DTNA: variants seen among roughly 807,000 people sequenced by gnomAD.
The protein encoded by DTNA is dystrobrevin alpha.
In DTNA, 43 loss-of-function variants were observed where a neutral mutation model predicts 100.7. The ratio of observed to expected loss-of-function variants is 0.43; its 90% CI spans 0.33 to 0.55. DTNA has a LOEUF of 0.55. DTNA is among the 20% of genes least tolerant of loss of function. The pLI, the probability that DTNA is intolerant of heterozygous loss-of-function variation, is 0.04. For synonymous variants in DTNA, 349 were observed against 347.9 expected (o/e 1.00, Z -0.04); for missense variants, 798 against 953.9 (o/e 0.84, Z 2.15).
chr18:34,865,299 T>A (rs1362509666), intron 17 of DTNA, among the ~76,000 whole-genome samples: 1 of 152,052 alleles, frequency 6.6e-6, no homozygotes, highest in African/African-American at 2.4e-5. Context: ...TTGTCTACCT[T>A]TCTCTTTTCT....
At chr18:34,550,280 A>G (rs999309735) in intron 1 of DTNA, among the ~76,000 whole-genome samples, 17 of 152,066 alleles carry the variant, frequency 1.1e-4, no homozygotes, top group Admixed American at 1.0e-3. Context: ...TTTTTCATAC[A>G]CTATTTTCTA....
intron 3 of DTNA, among the ~76,000 whole-genome samples, chr18:34,778,429 T>G (rs1035766880): frequency 3.3e-5 from 5 of 152,228 alleles, no homozygotes; most frequent in African/African-American, 7.2e-5. Flanking sequence ...ATGTATTCAA[T>G]GCTTTTTAAA....
intron 13 of DTNA, among the ~76,000 whole-genome samples, chr18:34,841,548 T>C (rs1228561326): frequency 6.6e-6 from 1 of 152,174 alleles, no homozygotes; most frequent in Non-Finnish European, 1.5e-5. Context: ...AATAATAAAT[T>C]TTGTATTTAT....
chr18:34,842,127 G>T (rs1311506292), intron 13 of DTNA, among the ~76,000 whole-genome samples: 1 of 152,082 alleles, frequency 6.6e-6, no homozygotes, highest in Non-Finnish European at 1.5e-5. Flanking sequence ...TCCTGGGCTT[G>T]CTAGTTTATA....
chr18:34,656,268 A>T (rs528017475), intron 1 of DTNA, among the ~76,000 whole-genome samples: 83 of 152,356 alleles, frequency 5.4e-4, no homozygotes, highest in Non-Finnish European at 1.0e-3. Flanking sequence ...CACAGATGTC[A>T]ATCCTAGAAG....
At chr18:34,683,020 C>T (rs1215451185) in intron 1 of DTNA, among the ~76,000 whole-genome samples, 1 of 152,102 alleles carries the variant, frequency 6.6e-6, no homozygotes, top group Non-Finnish European at 1.5e-5. Flanking sequence ...AAAATATCCA[C>T]ATTTCACAAA....
Position 34,818,345 on chromosome 18 carries a change from A to G in DTNA, c.876+15A>G. ...ACACGTCATGGGTAAGGCAAGGTCCAGGCAATACTTGGAGTTGGATGTGTG... is the reference window on the plus strand; with the variant it reads ...ACACGTCATGGGTAAGGCAAGGTCCGGGCAATACTTGGAGTTGGATGTGTG... On this transcript the variant is annotated intron_variant, in intron 8 of 22. Transcript: ENST00000444659. 6.2e-7 allele frequency: 1 copy of G among 1,613,046 alleles called. No individual in the cohort carries two copies. Among genetic ancestry groups the G allele is most frequent in the Non-Finnish European group, 8.5e-7 (1 of 1,179,420 alleles).
intron 1 of DTNA, among the ~76,000 whole-genome samples, chr18:34,559,018 C>T (rs1002155924): frequency 4.6e-5 from 7 of 152,158 alleles, no homozygotes; most frequent in African/African-American, 1.7e-4. Context: ...TCCATTGGAA[C>T]ATGGCAACAG....
intron 1 of DTNA, among the ~76,000 whole-genome samples, chr18:34,519,972 A>C (rs1485546560): frequency 6.6e-6 from 1 of 152,156 alleles, no homozygotes; most frequent in Non-Finnish European, 1.5e-5. Flanking sequence ...TCACATTGTA[A>C]TGTTTACTTG....
intron 1 of DTNA, among the ~76,000 whole-genome samples, chr18:34,544,141 C>T (rs2044525368): frequency 6.6e-6 from 1 of 152,042 alleles, no homozygotes; most frequent in African/African-American, 2.4e-5. Flanking sequence ...CCACTGACCT[C>T]ATGGAAGCCA....
At chr18:34,801,164 G>T (rs1227865752) in intron 4 of DTNA, among the ~76,000 whole-genome samples, 2 of 152,142 alleles carry the variant, frequency 1.3e-5, no homozygotes, top group African/African-American at 4.8e-5. Flanking sequence ...AAATGTAAAG[G>T]AAGATAAAAG....
intron 1 of DTNA, among the ~76,000 whole-genome samples, chr18:34,752,704 AG>A (rs1367983173): frequency 2.6e-5 from 4 of 152,222 alleles, no homozygotes; most frequent in Admixed American, 6.5e-5. Context: ...CATACCACAG[AG>A]ATTTTTCTAT....
chr18:34,887,604 C>A (rs1438274047), intron 22 of DTNA, among the ~76,000 whole-genome samples, 162 bp from the exon 23 acceptor site: 1 of 152,076 alleles, frequency 6.6e-6, no homozygotes, highest in Admixed American at 6.6e-5. Flanking sequence ...CTAGGACTTT[C>A]ATTCCTGATT....
chr18:34,645,812 A>G lies in DTNA; in HGVS notation c.-1-110164A>G, dbSNP rs573000673. Among the ~76,000 whole-genome samples, 45 of 149,882 alleles carry G rather than the reference A, an allele frequency of 3.0e-4. 1 individual carries two copies. The highest frequency in any genetic ancestry group is 4.4e-4 in the Non-Finnish European group (30 of 67,996). ...GTATTGACTTTAGAAGCTGGCTTAC[A>G]TATTTTCCACTCTTTAACTCGTTTT... On this transcript the variant is annotated intron_variant, in intron 1 of 19. Transcript: ENST00000283365.
intron 1 of DTNA, among the ~76,000 whole-genome samples, chr18:34,526,430 T>C (rs1244829426): frequency 6.6e-6 from 1 of 152,106 alleles, no homozygotes. Flanking sequence ...TCAAACATTA[T>C]TATGTCTGAA....
intron 1 of DTNA, among the ~76,000 whole-genome samples, chr18:34,538,582 T>G (rs1299729208): frequency 1.3e-5 from 2 of 152,000 alleles, no homozygotes; most frequent in Non-Finnish European, 2.9e-5. Flanking sequence ...ACCTGTTTGT[T>G]TTAGTTTCCT....
chr18:34,753,377 TTTTTTATTTTTTA>T (rs1336563468), intron 1 of DTNA, among the ~76,000 whole-genome samples: 15 of 94,284 alleles, frequency 1.6e-4, no homozygotes, highest in East Asian at 4.6e-4. Flanking sequence ...TTTTTTTTTT[TTTTTTATTTTTTA>T]TTTTTTTTTT....
chr18:34,688,249 CA>C (rs1192709705), intron 1 of DTNA, among the ~76,000 whole-genome samples: 1 of 152,116 alleles, frequency 6.6e-6, no homozygotes, highest in East Asian at 1.9e-4. Flanking sequence ...ATGGTCTTTA[CA>C]ATTTGGTTTA....
chr18:34,737,044 T>C (rs1408930350), intron 1 of DTNA, among the ~76,000 whole-genome samples: 1 of 152,194 alleles, frequency 6.6e-6, no homozygotes, highest in African/African-American at 2.4e-5. Flanking sequence ...TTCATTTGTA[T>C]TCATTTTTAA....
Sources: allele counts gnomAD v4.1 joint callset (sites outside exome capture counted in the v4.1 genomes callset), GRCh38; gene constraint gnomAD v4.1.1; transcripts MANE v1.5; gene names NCBI Gene and HGNC (gene_info 2026-07-23, HGNC 2026-07-21).